The following DLGAP2 variants were observed in gnomAD, a reference collection of about 807,000 sequenced individuals.
DLGAP2 encodes DLG associated protein 2, also known as disks large-associated protein 2.
In DLGAP2, 26 loss-of-function variants were observed where a neutral mutation model predicts 100.3. The ratio of observed to expected loss-of-function variants is 0.26; its 90% CI spans 0.19 to 0.36. The LOEUF is 0.36. DLGAP2 is among the 10% of genes least tolerant of loss of function. DLGAP2 has a pLI of 1.00. For missense variants in DLGAP2, 1,858 were observed against 1,453.2 expected, an observed-to-expected ratio of 1.28 and a Z score of -4.53; for synonymous variants, 886 against 630.1, an observed-to-expected ratio of 1.41 and a Z score of -6.08.
At chr8:850,164 GA>G (rs989786684) in intron 1 of DLGAP2, among the ~76,000 whole-genome samples, 1 of 151,910 alleles carries the variant, frequency 6.6e-6, no homozygotes, top group Admixed American at 6.6e-5. Context: ...GACATTTGCA[GA>G]TATATCTCCC....
Position 948,027 on chromosome 8 carries a change from C to A in DLGAP2, c.73+40061C>A, listed in dbSNP as rs373063292. Among the ~76,000 whole-genome samples the A allele has an allele frequency of 2.5e-3, 383 of 150,548 alleles. 8 individuals are homozygous for A. The highest frequency in any genetic ancestry group is 4.0e-3 in the East Asian group (20 of 5,038). ...GCGCCATGGCTCCCCCGACCCCGTG[C>A]CAGCCCGCGTGCGTCATGACCCCAC... On this transcript the variant is annotated intron_variant, in intron 2 of 14. Transcript: ENST00000637795.
chr8:924,576 T>C (rs1040990859), intron 2 of DLGAP2, among the ~76,000 whole-genome samples: 8 of 144,906 alleles, frequency 5.5e-5, no homozygotes, highest in Non-Finnish European at 1.1e-4. Flanking sequence ...CCGGTTATTC[T>C]TTTTTTTTTT....
chr8:1,225,245 A>T (rs180962426), intron 2 of DLGAP2, among the ~76,000 whole-genome samples: 72 of 152,388 alleles, frequency 4.7e-4, no homozygotes, highest in Non-Finnish European at 8.5e-4. Flanking sequence ...TTTCTCAGTT[A>T]TGAACACGAG....
chr8:889,112 G>C (rs1007806393), intron 1 of DLGAP2, among the ~76,000 whole-genome samples: 1 of 152,164 alleles, frequency 6.6e-6, no homozygotes, highest in Non-Finnish European at 1.5e-5. Context: ...TTTTGAGCCA[G>C]GATGAGCCAG....
chr8:1,503,088 A>C (rs983133277), intron 4 of DLGAP2, among the ~76,000 whole-genome samples: 1 of 152,180 alleles, frequency 6.6e-6, no homozygotes, highest in Non-Finnish European at 1.5e-5. Context: ...CTGGGGGGCG[A>C]AGGAGGCAGA....
intron 2 of DLGAP2, among the ~76,000 whole-genome samples, chr8:948,470 C>T (rs1799388625): frequency 1.3e-5 from 2 of 152,372 alleles, no homozygotes; most frequent in East Asian, 1.9e-4. Flanking sequence ...CCATCTCTCC[C>T]ACCACACCAG....
chr8:1,475,084 A>G (rs962427741), intron 3 of DLGAP2, among the ~76,000 whole-genome samples: 5 of 152,300 alleles, frequency 3.3e-5, no homozygotes, highest in Admixed American at 2.6e-4. Flanking sequence ...TCGCAGAGAC[A>G]CGGGTGTAGT....
chr8:1,308,523 T>TTTTTG (rs769683535), intron 3 of DLGAP2, among the ~76,000 whole-genome samples: 16 of 152,256 alleles, frequency 1.1e-4, no homozygotes, highest in South Asian at 1.0e-3. Flanking sequence ...AAGAAATCTT[T>TTTTTG]TTTTGTTTTG....
At position 1,081,412 on chromosome 8, in the gene DLGAP2, C is replaced by T. The variant is rs554357122; in HGVS notation, c.73+173446C>T. On this transcript the variant is annotated intron_variant, in intron 2 of 14. Transcript: ENST00000637795. The stretch of plus-strand genomic sequence containing the variant: ...TGTCGCCCAGGTTGGAGTGCAGTGG[C>T]GCAGCCTTGGCTCACTGCAACCTTC... Among the ~76,000 whole-genome samples, 4 of 152,244 alleles carry T rather than the reference C, an allele frequency of 2.6e-5. No individual in the cohort carries two copies. The South Asian group carries it at 6.2e-4, about 24-fold the overall frequency.
intron 2 of DLGAP2, among the ~76,000 whole-genome samples, chr8:1,028,076 C>G (rs182651255): frequency 1.0e-3 from 131 of 129,728 alleles, no homozygotes; most frequent in East Asian, 5.1e-3. Flanking sequence ...GGGTGCCAAG[C>G]GCCCGTTATT....
intron 2 of DLGAP2, among the ~76,000 whole-genome samples, chr8:1,054,649 T>A (rs1323180859): frequency 6.6e-6 from 1 of 152,214 alleles, no homozygotes; most frequent in Non-Finnish European, 1.5e-5. Context: ...AATGATCAGA[T>A]AACAATTGAC....
rs544431596 is a variant in DLGAP2, at chr8:1,037,442, C to G, written c.73+129476C>G. ...GGGGCCTCTCTCCACAGCTCCTGCACCCCCAGGGCCTGGCGGTGGCCTGGC... is the reference window on the plus strand; with the variant it reads ...GGGGCCTCTCTCCACAGCTCCTGCAGCCCCAGGGCCTGGCGGTGGCCTGGC... On this transcript the variant is annotated intron_variant, in intron 2 of 14. Transcript: ENST00000637795. Among the ~76,000 whole-genome samples, 790 of 152,224 alleles carry G rather than the reference C, an allele frequency of 5.2e-3. 6 individuals carry two copies. The highest frequency in any genetic ancestry group is 0.018 in the African/African-American group (751 of 41,530).
chr8:1,331,085 C>A (rs955771630), intron 3 of DLGAP2, among the ~76,000 whole-genome samples: 1 of 152,328 alleles, frequency 6.6e-6, no homozygotes, highest in East Asian at 1.9e-4. Context: ...CTGCTCCTAG[C>A]TGGCTTAGCT....
At chr8:1,498,390 A>T (rs1799612752) in intron 3 of DLGAP2, among the ~76,000 whole-genome samples, 1 of 152,204 alleles carries the variant, frequency 6.6e-6, no homozygotes, top group East Asian at 1.9e-4. Context: ...AAAAAAAAAA[A>T]AATTACACAT....
chr8:1,130,436 A>T (rs1288349611), intron 2 of DLGAP2, among the ~76,000 whole-genome samples: 2 of 152,250 alleles, frequency 1.3e-5, no homozygotes. Context: ...AACCAGGAGC[A>T]GAAGGGACCT....
rs1384047738 is a variant in DLGAP2, at chr8:1,071,898, C to A, written c.73+163932C>A. ...TGCAAGCTGCAGGAGGCTCCCTGGCCTGTGAGTTTAGGGAACTCGTGTCAG... is the reference window on the plus strand; with the variant it reads ...TGCAAGCTGCAGGAGGCTCCCTGGCATGTGAGTTTAGGGAACTCGTGTCAG... On this transcript the variant is annotated intron_variant, in intron 2 of 14. Transcript: ENST00000637795. Among the ~76,000 whole-genome samples, 5 of 152,194 alleles carry A rather than the reference C, an allele frequency of 3.3e-5. 1 individual carries two copies.
At position 1,591,854 on chromosome 8, in the gene DLGAP2, G is replaced by A. The variant is rs117981060; in HGVS notation, c.1442+25960G>A. On this transcript the variant is annotated intron_variant, in intron 6 of 14. Coordinates refer to ENST00000637795, the MANE Select transcript of DLGAP2 (RefSeq NM_001346810.2). ...TCTGAAGCCCTCGCTTGGCCTCTGCGTCAATAATTCTGACATGAACTACAA... is the reference window on the plus strand; with the variant it reads ...TCTGAAGCCCTCGCTTGGCCTCTGCATCAATAATTCTGACATGAACTACAA... Among the ~76,000 whole-genome samples the A allele has an allele frequency of 1.3e-4, 20 of 152,260 alleles. No homozygotes were observed. The East Asian group carries it at 2.7e-3, about 21-fold the overall frequency.
At chr8:816,038 C>A (rs1796470136) in intron 1 of DLGAP2, among the ~76,000 whole-genome samples, 1 of 152,120 alleles carries the variant, frequency 6.6e-6, no homozygotes, top group South Asian at 2.1e-4. Context: ...CTCCTGCTTG[C>A]TTTTGATGTC....
chr8:1,413,393 A>T (rs1031014057), intron 3 of DLGAP2, among the ~76,000 whole-genome samples: 8 of 152,240 alleles, frequency 5.3e-5, no homozygotes, highest in African/African-American at 1.7e-4. Context: ...AGGAAAATAT[A>T]GTTTCAATGC....
Sources: gnomAD v4.1 joint callset for allele counts (sites outside exome capture counted in the v4.1 genomes callset) on GRCh38, gnomAD v4.1.1 for gene constraint, MANE v1.5 for transcripts, NCBI Gene and HGNC (gene_info 2026-07-23, HGNC 2026-07-21) for gene names.